The following C15orf40 variants were observed in gnomAD, a reference collection of about 807,000 sequenced individuals.
C15orf40 encodes the protein chromosome 15 open reading frame 40.
C15orf40 carries 9 observed loss-of-function variants against 13.9 expected under a neutral mutation model. The ratio of observed to expected loss-of-function variants is 0.65; its 90% confidence interval spans 0.39 to 1.13. The LOEUF (loss-of-function observed/expected upper bound fraction) is 1.13. C15orf40 is among the 50% of genes most tolerant of loss of function. The probability of loss-of-function intolerance (pLI) is 0.01; values close to 1 mark genes in which losing one functional copy is unlikely to be tolerated. For synonymous variants in C15orf40, 95 were observed against 69.2 expected (o/e 1.37, Z -1.85); for missense variants, 225 against 188.5 (o/e 1.19, Z -1.13).
downstream of C15orf40, chr15:82,989,862 T>C: frequency 6.2e-7 from 1 of 1,608,832 alleles, no homozygotes; most frequent in East Asian, 2.2e-5. Flanking sequence ...TAAAGATCTT[T>C]TTTGTTTTAT....
Position 83,005,384 on chromosome 15 carries a change from A to G in C15orf40, c.*213T>C. On this transcript the variant is annotated 3_prime_UTR_variant, in exon 4 of 4. Coordinates refer to ENST00000304177, the MANE Select transcript of C15orf40 (RefSeq NM_144597.3). ...ACTGCAACCTCCGCCCCCCAGGTTCAAGTGATTCTCCTGCCTCAGCCTCCT... is the reference window on the plus strand; with the variant it reads ...ACTGCAACCTCCGCCCCCCAGGTTCGAGTGATTCTCCTGCCTCAGCCTCCT... 3.0e-6 allele frequency: 2 copies of G among 667,034 alleles called. No homozygotes were observed. The highest frequency in any genetic ancestry group is 4.0e-6 in the Non-Finnish European group (2 of 505,404). 41.3% of individuals were successfully genotyped at this position (667,034 alleles called of 1,614,324 possible). A position where few individuals can be genotyped will look rare whatever the true frequency, so the allele number is the denominator to read the frequency against.
chr15:82,994,048 T>C (rs1463093061), downstream of C15orf40, among the ~76,000 whole-genome samples: 3 of 152,178 alleles, frequency 2.0e-5, no homozygotes, highest in African/African-American at 7.2e-5. Context: ...TTTGGGGTTC[T>C]TGAAACCACA....
Position 83,001,732 on chromosome 15 carries a change from A to G in C15orf40, c.*3865T>C, listed in dbSNP as rs1383501478. On this transcript the variant is annotated 3_prime_UTR_variant, in exon 4 of 4. Transcript: ENST00000304177. ...CTTCTACAGCAGGTCAAGGTGCCCAAGCCTTAGCTGTGATCTCTTAACAGT... is the reference window on the plus strand; with the variant it reads ...CTTCTACAGCAGGTCAAGGTGCCCAGGCCTTAGCTGTGATCTCTTAACAGT... 4 of 152,240 alleles carry G rather than the reference A, an allele frequency of 2.6e-5. No homozygotes were observed. The highest frequency in any genetic ancestry group is 9.6e-5 in the African/African-American group (4 of 41,456). The allele number at this position is 152,240 out of a possible 1,614,324, so 9.4% of individuals were successfully genotyped here. A position where few individuals can be genotyped will look rare whatever the true frequency, so the allele number is the denominator to read the frequency against.
chr15:83,011,496 C>T lies in C15orf40; in HGVS notation c.111+1G>A. 6.2e-7 allele frequency: 1 copy of T among 1,604,220 alleles called. No homozygotes were observed. The highest frequency in any genetic ancestry group is 8.5e-7 in the Non-Finnish European group (1 of 1,177,126). ...CTGCCGCCACGGGACCTGCTACTGG[C>T]CTTGGTCGTCGCACCAGCCTTCTTA... On this transcript the variant is annotated splice_donor_variant, in intron 1 of 3. Coordinates refer to ENST00000304177, the MANE Select transcript of C15orf40 (RefSeq NM_144597.3). LOFTEE classifies it high-confidence loss of function.
At chr15:82,990,889 A>G (rs928723543), downstream of C15orf40, 6 of 455,560 alleles carry the variant, frequency 1.3e-5, no homozygotes, top group Non-Finnish European at 2.4e-5. Context: ...TGATTTTACA[A>G]TGTTATATTC....
chr15:82,990,710 G>A (rs1184462078), downstream of C15orf40: 3 of 1,402,798 alleles, frequency 2.1e-6, no homozygotes, highest in Non-Finnish European at 3.0e-6. Flanking sequence ...GGTGGTGGTT[G>A]GGATAAGGGT....
rs1000600520 is a variant in C15orf40 at position 83,004,317 on chromosome 15, G to A, written c.*1280C>T. 34 of 985,256 alleles carry A rather than the reference G, an allele frequency of 3.5e-5. No individual in the cohort carries two copies. The highest frequency in any genetic ancestry group is 4.0e-5 in the Non-Finnish European group (33 of 829,832). The allele number at this position is 985,256 out of a possible 1,614,324, so 61.0% of individuals were successfully genotyped here. A position where few individuals can be genotyped will look rare whatever the true frequency, so the allele number is the denominator to read the frequency against. On this transcript the variant is annotated 3_prime_UTR_variant, in exon 4 of 4. Transcript: ENST00000304177. The stretch of plus-strand genomic sequence containing the variant: ...ATTATTGTTCTTCCTTGTGGATTTT[G>A]TTTTTAATGATTTGGTCCATCAATA...
intron 2 of C15orf40, among the ~76,000 whole-genome samples, chr15:83,009,935 G>A (rs942243959): frequency 3.9e-5 from 6 of 152,130 alleles, no homozygotes; most frequent in African/African-American, 1.4e-4. Context: ...TCCAGTTTTG[G>A]AACAGGACAA....
rs1001547306 is a variant in C15orf40, at chr15:82,997,325, T to G, written c.*8272A>C. The G allele has an allele frequency of 6.8e-6, 1 of 147,260 alleles. No homozygotes were observed. Among genetic ancestry groups the G allele is most frequent in the South Asian group, 2.2e-4 (1 of 4,548 alleles). The allele number at this position is 147,260 out of a possible 1,614,324, so 9.1% of individuals were successfully genotyped here. ...TAAACAAGTGAACAAAGGTCTCTGG[T>G]TTTCCTAGGCAGAGGACCCTGCGGC... On this transcript the variant is annotated 3_prime_UTR_variant, in exon 4 of 4. Coordinates refer to ENST00000304177, the MANE Select transcript of C15orf40 (RefSeq NM_144597.3).
downstream of C15orf40, among the ~76,000 whole-genome samples, chr15:82,993,980 A>G (rs1257972425): frequency 1.3e-5 from 2 of 152,166 alleles, no homozygotes; most frequent in Non-Finnish European, 2.9e-5. Context: ...TTTGAGTGCT[A>G]GGTGGACTTG....
chr15:83,011,110 G>A (rs1192374205), intron 1 of C15orf40: 1 of 182,192 alleles, frequency 5.5e-6, no homozygotes, highest in South Asian at 1.6e-4. Context: ...TTGACAGAAG[G>A]GGTGCGATCA....
At chr15:82,990,932 C>T (rs2151271734), downstream of C15orf40, 1 of 313,258 alleles carries the variant, frequency 3.2e-6, no homozygotes, top group Non-Finnish European at 5.9e-6. Flanking sequence ...TGCTTTCTCT[C>T]CTATAAATAG....
In C15orf40 at chr15:83,004,973, C is replaced by T; in HGVS notation, c.*624G>A. 1 of 1,281,176 alleles carries T rather than the reference C, an allele frequency of 7.8e-7. No homozygotes were observed. The highest frequency in any genetic ancestry group is 1.0e-6 in the Non-Finnish European group (1 of 969,538). The allele number at this position is 1,281,176 out of a possible 1,614,324, so 79.4% of individuals were successfully genotyped here. A position where few individuals can be genotyped will look rare whatever the true frequency, so the allele number is the denominator to read the frequency against. Reference sequence around the variant, plus strand: ...CAATCTTGAGTAAGTCTCTCAACTTCTGGATATAGGAAATCAAAGGCCCCC... The same window carrying T: ...CAATCTTGAGTAAGTCTCTCAACTTTTGGATATAGGAAATCAAAGGCCCCC... On this transcript the variant is annotated 3_prime_UTR_variant, in exon 4 of 4. Coordinates refer to ENST00000304177, the MANE Select transcript of C15orf40 (RefSeq NM_144597.3).
intron 3 of C15orf40, among the ~76,000 whole-genome samples, chr15:83,007,120 AG>A (rs2031730206): frequency 6.6e-6 from 1 of 152,132 alleles, no homozygotes; most frequent in Non-Finnish European, 1.5e-5. Context: ...AGTGATACCC[AG>A]GGATCTGTAT....
chr15:82,993,088 C>T (rs994837081), downstream of C15orf40, among the ~76,000 whole-genome samples: 1 of 152,184 alleles, frequency 6.6e-6, no homozygotes, highest in Non-Finnish European at 1.5e-5. Flanking sequence ...GCTTCCAGTT[C>T]TGTGCTTAAA....
At chr15:82,989,306 C>T (rs2030758573), downstream of C15orf40, 1 of 865,268 alleles carries the variant, frequency 1.2e-6, no homozygotes, top group Non-Finnish European at 1.7e-6. Flanking sequence ...ATACCTAGTA[C>T]CTAATAACAG....
chr15:82,991,296 C>T (rs1180598978), downstream of C15orf40, among the ~76,000 whole-genome samples: 9 of 152,076 alleles, frequency 5.9e-5, no homozygotes, highest in Admixed American at 6.6e-5. Flanking sequence ...GCCTGTAGTC[C>T]CAGCACTTTG....
downstream of C15orf40, among the ~76,000 whole-genome samples, chr15:82,994,636 AC>A (rs1567086578): frequency 6.6e-6 from 1 of 152,184 alleles, no homozygotes; most frequent in Non-Finnish European, 1.5e-5. Context: ...GAAAGTACTT[AC>A]TTTGTAATGT....
Position 82,996,501 on chromosome 15 carries a change from G to C in C15orf40, c.*9096C>G, listed in dbSNP as rs1178005143. ...TAAAAATACAAAAAGAAATTAGCCG[G>C]GCGTGGTGGCGGGCACCTGCAGTCC... On this transcript the variant is annotated 3_prime_UTR_variant, in exon 4 of 4. Transcript: ENST00000304177. The C allele has an allele frequency of 6.6e-6, 1 of 151,732 alleles. No homozygotes were observed. Among genetic ancestry groups the C allele is most frequent in the Non-Finnish European group, 1.5e-5 (1 of 67,986 alleles). The allele number at this position is 151,732 out of a possible 1,614,324, so 9.4% of individuals were successfully genotyped here. A position where few individuals can be genotyped will look rare whatever the true frequency, so the allele number is the denominator to read the frequency against.
Sources: allele counts gnomAD v4.1 joint callset (sites outside exome capture counted in the v4.1 genomes callset), GRCh38; gene constraint gnomAD v4.1.1; transcripts MANE v1.5; gene names NCBI Gene and HGNC (gene_info 2026-07-23, HGNC 2026-07-21).